Variants in PARD3 observed in about 807,000 individuals in gnomAD.
PARD3 encodes the protein par-3 family cell polarity regulator, also known as partitioning defective 3 homolog.
PARD3 carries 75 observed loss-of-function variants against 155.4 expected under a neutral mutation model. The observed-to-expected ratio is 0.48, with a 90% CI of 0.40 to 0.58. The LOEUF (loss-of-function observed/expected upper bound fraction) is 0.58. Among genes scored for constraint, PARD3 ranks in the 20% least tolerant of loss-of-function variants. PARD3 has a pLI of 0.00. For missense variants in PARD3, 1,642 were observed against 1,721.7 expected, an observed-to-expected ratio of 0.95 and a Z score of 0.82; for synonymous variants, 576 against 610.5, an observed-to-expected ratio of 0.94 and a Z score of 0.83.
At chr10:34,267,987 T>C (rs1270762290) in intron 22 of PARD3, among the ~76,000 whole-genome samples, 1 of 152,126 alleles carries the variant, frequency 6.6e-6, no homozygotes, top group African/African-American at 2.4e-5. Context: ...AGTTCCTAAA[T>C]AGAGCAACAC....
chr10:34,360,027 A>T, intron 13 of PARD3, 44 bp downstream of exon 13: 2 of 1,483,436 alleles, frequency 1.3e-6, no homozygotes, highest in African/African-American at 1.4e-5. Flanking sequence ...GTTGAAATTA[A>T]AATTTTTGTT....
chr10:34,317,019 A>C, intron 20 of PARD3, 88 bp downstream of exon 20: 1 of 1,248,438 alleles, frequency 8.0e-7, no homozygotes, highest in Non-Finnish European at 1.1e-6. Context: ...ACAGGTGTGC[A>C]CTACCGTGTC....
intron 2 of PARD3, among the ~76,000 whole-genome samples, chr10:34,689,884 G>A (rs2094019547): frequency 6.6e-6 from 1 of 152,138 alleles, no homozygotes; most frequent in African/African-American, 2.4e-5. Flanking sequence ...ACATTATTCA[G>A]TAAAGATCCA....
intron 2 of PARD3, among the ~76,000 whole-genome samples, chr10:34,689,059 T>C (rs548756139): frequency 1.1e-3 from 166 of 152,336 alleles, no homozygotes; most frequent in Non-Finnish European, 1.9e-3. Flanking sequence ...GCCAGGTATC[T>C]ACGTTTTCAA....
chr10:34,281,107 T>C (rs1334386712), intron 21 of PARD3, among the ~76,000 whole-genome samples: 1 of 151,204 alleles, frequency 6.6e-6, no homozygotes, highest in Non-Finnish European at 1.5e-5. Context: ...CACGGGGCTT[T>C]GTATGGGAGG....
intron 2 of PARD3, among the ~76,000 whole-genome samples, chr10:34,692,919 T>C (rs922071448): frequency 1.3e-5 from 2 of 152,122 alleles, no homozygotes; most frequent in African/African-American, 4.8e-5. Flanking sequence ...TTCAAAAGAA[T>C]ACATACACAT....
chr10:34,441,707 T>C (rs2076471231), intron 5 of PARD3, among the ~76,000 whole-genome samples: 1 of 152,210 alleles, frequency 6.6e-6, no homozygotes, highest in African/African-American at 2.4e-5. Context: ...TCCAGAATTC[T>C]TGGATAATAA....
chr10:34,449,625 A>G (rs2076952478), intron 5 of PARD3, among the ~76,000 whole-genome samples: 3 of 142,158 alleles, frequency 2.1e-5, no homozygotes, highest in Non-Finnish European at 4.5e-5. Context: ...AAAAAAAGTA[A>G]CTCATCAGAT....
chr10:34,237,614 T>C (rs1012946158), intron 22 of PARD3, among the ~76,000 whole-genome samples: 1 of 152,186 alleles, frequency 6.6e-6, no homozygotes, highest in African/African-American at 2.4e-5. Context: ...TCCTGACACA[T>C]CTTTTGATTA....
rs74131697 is a variant in PARD3 at position 34,315,505 on chromosome 10, G to A, written c.3065+1602C>T. Among the ~76,000 whole-genome samples, 826 of 152,344 alleles carry A rather than the reference G, an allele frequency of 5.4e-3. 9 individuals are homozygous for A. The highest frequency in any genetic ancestry group is 0.019 in the African/African-American group (773 of 41,582). On this transcript the variant is annotated intron_variant, in intron 20 of 24. Coordinates refer to ENST00000374788, the MANE Select transcript of PARD3 (RefSeq NM_001184785.2). Reference sequence around the variant, plus strand: ...TAAGACGTCAGGAGAGCCCCTGGAAGAGAGAGTGGGCTACAAGTCTCAGGG... The same window carrying A: ...TAAGACGTCAGGAGAGCCCCTGGAAAAGAGAGTGGGCTACAAGTCTCAGGG...
At chr10:34,492,448 T>C (rs2079981971) in intron 3 of PARD3, among the ~76,000 whole-genome samples, 1 of 152,200 alleles carries the variant, frequency 6.6e-6, no homozygotes, top group South Asian at 2.1e-4. Flanking sequence ...AAAACTTCTG[T>C]CCCTAACAGC....
At chr10:34,761,249 A>G (rs938464973) in intron 1 of PARD3, among the ~76,000 whole-genome samples, 1 of 151,910 alleles carries the variant, frequency 6.6e-6, no homozygotes, top group Admixed American at 6.6e-5. Context: ...CATCTCTACT[A>G]AAAATACAAA....
intron 2 of PARD3, among the ~76,000 whole-genome samples, chr10:34,561,048 G>A (rs375969463): frequency 1.5e-4 from 23 of 152,176 alleles, no homozygotes; most frequent in Non-Finnish European, 1.0e-4. Context: ...GCTACTCAGC[G>A]TCAAGTGTGC....
At chr10:34,197,793 G>A (rs1951017541) in intron 22 of PARD3, among the ~76,000 whole-genome samples, 2 of 152,286 alleles carry the variant, frequency 1.3e-5, no homozygotes, top group South Asian at 2.1e-4. Context: ...GAAGTGGTGC[G>A]ATCGCAGCTC....
intron 2 of PARD3, among the ~76,000 whole-genome samples, chr10:34,670,791 C>T (rs758290370): frequency 6.6e-6 from 1 of 152,160 alleles, no homozygotes; most frequent in Non-Finnish European, 1.5e-5. Flanking sequence ...GATCAAAGAA[C>T]TTTGTTGTTG....
intron 2 of PARD3, among the ~76,000 whole-genome samples, chr10:34,606,266 T>C (rs958426669): frequency 4.0e-5 from 6 of 150,206 alleles, no homozygotes; most frequent in Non-Finnish European, 7.4e-5. Flanking sequence ...TACAGATGTG[T>C]GCAGGTGTGT....
Position 34,606,638 on chromosome 10 carries a change from CAAAAAA to C in PARD3, c.223-89485_223-89480del, listed in dbSNP as rs398013195. ...CAACATAGTGAGACCCCCGTGTCTT[CAAAAAA>C]AAAAAAAAAAAAAAAAAAGTCTGTC... is the stretch of plus-strand genomic sequence containing the variant. On this transcript the variant is annotated intron_variant, in intron 2 of 24. Coordinates refer to ENST00000374788, the MANE Select transcript of PARD3 (RefSeq NM_001184785.2). Among the ~76,000 whole-genome samples, 500 of 79,634 alleles carry C rather than the reference CAAAAAA, an allele frequency of 6.3e-3. 4 individuals carry two copies. Among genetic ancestry groups the C allele is most frequent in the African/African-American group, 0.021 (447 of 20,848 alleles). 52.2% of individuals were successfully genotyped at this position (79,634 alleles called of 152,430 possible). A position where few individuals can be genotyped will look rare whatever the true frequency, so the allele number is the denominator to read the frequency against.
At chr10:34,315,033 T>G (rs975773277) in intron 20 of PARD3, among the ~76,000 whole-genome samples, 2 of 152,144 alleles carry the variant, frequency 1.3e-5, no homozygotes, top group Non-Finnish European at 2.9e-5. Flanking sequence ...AATATCAGCC[T>G]AATTTTTAGG....
At chr10:34,770,156 T>G (rs1838681059) in intron 1 of PARD3, among the ~76,000 whole-genome samples, 1 of 152,134 alleles carries the variant, frequency 6.6e-6, no homozygotes, top group African/African-American at 2.4e-5. Context: ...TCCTGCTCCT[T>G]AGACACAAGT....
Sources: allele counts gnomAD v4.1 joint callset (sites outside exome capture counted in the v4.1 genomes callset), GRCh38; gene constraint gnomAD v4.1.1; transcripts MANE v1.5; gene names NCBI Gene and HGNC (gene_info 2026-07-23, HGNC 2026-07-21).